ERC2: variants seen among roughly 807,000 people sequenced by gnomAD.
The protein encoded by ERC2 is ELKS/RAB6-interacting/CAST family member 2, also known as ERC protein 2.
Under a neutral mutation model 114.8 loss-of-function variants are expected in ERC2, and 42 were observed. The observed-to-expected ratio is 0.37, with a 90% CI of 0.29 to 0.47. The LOEUF is 0.47. Ranked by LOEUF, ERC2 falls within the 20% of genes least tolerant of loss-of-function variation. The pLI, the probability that ERC2 is intolerant of heterozygous loss-of-function variation, is 0.99. For missense variants in ERC2, 939 were observed against 1,150.7 expected, an observed-to-expected ratio of 0.82 and a Z score of 2.66; for synonymous variants, 454 against 425.5, an observed-to-expected ratio of 1.07 and a Z score of -0.82.
chr3:55,681,123 C>CGGTGGA (rs1461528533), intron 17 of ERC2, among the ~76,000 whole-genome samples: 1 of 152,056 alleles, frequency 6.6e-6, no homozygotes, highest in East Asian at 1.9e-4. Context: ...AAACTTTCCC[C>CGGTGGA]GGTCCACCGT....
At chr3:55,901,437 T>C (rs2064132394) in intron 13 of ERC2, among the ~76,000 whole-genome samples, 1 of 152,176 alleles carries the variant, frequency 6.6e-6, no homozygotes. Flanking sequence ...GTTGAAAGAT[T>C]ATTCAATTCC....
At chr3:55,985,700 T>G (rs2149513438) in intron 12 of ERC2, among the ~76,000 whole-genome samples, 1 of 152,334 alleles carries the variant, frequency 6.6e-6, no homozygotes, top group East Asian at 1.9e-4. Flanking sequence ...AGAAATGCAC[T>G]GGGGAGTTAT....
chr3:56,343,030 A>C (rs2058151572), intron 2 of ERC2, among the ~76,000 whole-genome samples: 1 of 152,102 alleles, frequency 6.6e-6, no homozygotes, highest in Non-Finnish European at 1.5e-5. Flanking sequence ...GATCTTCATC[A>C]CATCTAAAGA....
chr3:55,532,246 G>C (rs2053712220), intron 17 of ERC2, among the ~76,000 whole-genome samples: 1 of 152,164 alleles, frequency 6.6e-6, no homozygotes, highest in Non-Finnish European at 1.5e-5. Flanking sequence ...TGAACACAGA[G>C]GGTGACCTGG....
intron 7 of ERC2, among the ~76,000 whole-genome samples, chr3:56,044,495 T>C (rs1315687952): frequency 6.6e-6 from 1 of 152,108 alleles, no homozygotes; most frequent in Non-Finnish European, 1.5e-5. Flanking sequence ...TTCCTTTGAG[T>C]TCAAAAATGA....
At chr3:55,615,405 C>A (rs2059082378) in intron 17 of ERC2, among the ~76,000 whole-genome samples, 1 of 152,104 alleles carries the variant, frequency 6.6e-6, no homozygotes, top group Admixed American at 6.6e-5. Flanking sequence ...TAGAGAAACT[C>A]CAAGCTCTCC....
At chr3:55,918,827 A>G (rs2065252329) in intron 13 of ERC2, among the ~76,000 whole-genome samples, 1 of 150,884 alleles carries the variant, frequency 6.6e-6, no homozygotes, top group African/African-American at 2.4e-5. Context: ...CTAGATGAAG[A>G]AGACTAGCTA....
In ERC2 at chr3:55,510,924, A is replaced by C. The variant is rs995569189; in HGVS notation, c.*392T>G. The C allele has an allele frequency of 6.6e-6, 1 of 152,224 alleles. No homozygotes were observed. The highest frequency in any genetic ancestry group is 2.4e-5 in the African/African-American group (1 of 41,462). 9.4% of individuals were successfully genotyped at this position (152,224 alleles called of 1,614,324 possible). A position where few individuals can be genotyped will look rare whatever the true frequency, so the allele number is the denominator to read the frequency against. On this transcript the variant is annotated 3_prime_UTR_variant, in exon 18 of 18. Coordinates refer to ENST00000288221, the MANE Select transcript of ERC2 (RefSeq NM_015576.3). Reference sequence around the variant, plus strand: ...ACAGATAAAATCCCATGGAGTTCAAATTTATCCAATGATGTTTAAGTAACA... The same window carrying C: ...ACAGATAAAATCCCATGGAGTTCAACTTTATCCAATGATGTTTAAGTAACA...
intron 7 of ERC2, among the ~76,000 whole-genome samples, chr3:56,069,743 A>G (rs1438164925): frequency 2.6e-5 from 4 of 152,194 alleles, no homozygotes; most frequent in African/African-American, 9.6e-5. Context: ...TGTGGGTGCT[A>G]CTGCTGGTTC....
At chr3:56,149,457 A>C (rs1272191716) in intron 4 of ERC2, among the ~76,000 whole-genome samples, 1 of 152,226 alleles carries the variant, frequency 6.6e-6, no homozygotes, top group Non-Finnish European at 1.5e-5. Context: ...AACACCATTT[A>C]AGTGGACAGA....
At chr3:56,350,558 A>G (rs1040531409) in intron 2 of ERC2, among the ~76,000 whole-genome samples, 1 of 152,188 alleles carries the variant, frequency 6.6e-6, no homozygotes, top group Non-Finnish European at 1.5e-5. Flanking sequence ...AAGAGGATAT[A>G]TATATATATA....
At chr3:56,423,804 A>G (rs1025645299) in intron 2 of ERC2, among the ~76,000 whole-genome samples, 2 of 152,218 alleles carry the variant, frequency 1.3e-5, no homozygotes, top group Non-Finnish European at 2.9e-5. Flanking sequence ...AATGCTTTCC[A>G]CAGCTTTCAG....
chr3:56,321,715 G>C (rs537558001), intron 2 of ERC2, among the ~76,000 whole-genome samples: 5 of 152,194 alleles, frequency 3.3e-5, no homozygotes, highest in Non-Finnish European at 7.3e-5. Context: ...GCATTTACAA[G>C]AAATAACTCA....
intron 15 of ERC2, among the ~76,000 whole-genome samples, chr3:55,723,502 A>G (rs2148892053): frequency 6.6e-6 from 1 of 152,334 alleles, no homozygotes; most frequent in South Asian, 2.1e-4. Context: ...AAAAAACAAT[A>G]AACAAGGGAG....
chr3:56,348,631 T>C lies in ERC2; in HGVS notation c.658-52196A>G, dbSNP rs1413659540. 3.3e-5 allele frequency among the ~76,000 whole-genome samples: 5 copies of C among 151,516 alleles called. No homozygotes were observed. In the East Asian group the frequency reaches 9.6e-4, roughly 29 times the overall value. On this transcript the variant is annotated intron_variant, in intron 2 of 17. Transcript: ENST00000288221. Reference sequence around the variant, plus strand: ...GTTCTTAAACATTGGTTATATTTTATTGAACACTCTGTGCAGGTTAAATGA... The same window carrying C: ...GTTCTTAAACATTGGTTATATTTTACTGAACACTCTGTGCAGGTTAAATGA...
intron 2 of ERC2, among the ~76,000 whole-genome samples, chr3:56,329,563 G>A (rs370260464): frequency 6.6e-6 from 1 of 152,174 alleles, no homozygotes; most frequent in African/African-American, 2.4e-5. Flanking sequence ...CCTGCCTGGA[G>A]GAAGGGAAAC....
chr3:55,697,959 G>C (rs1204266221), intron 16 of ERC2, among the ~76,000 whole-genome samples: 1 of 152,062 alleles, frequency 6.6e-6, no homozygotes, highest in African/African-American at 2.4e-5. Flanking sequence ...GTCTACTGGA[G>C]CAGGCAGAGG....
intron 2 of ERC2, among the ~76,000 whole-genome samples, chr3:56,311,118 T>C (rs915494090): frequency 6.6e-6 from 1 of 151,464 alleles, no homozygotes; most frequent in African/African-American, 2.4e-5. Context: ...AACTATGTAC[T>C]ATTTTTTTTA....
At chr3:55,956,568 G>A (rs1173061671) in intron 12 of ERC2, among the ~76,000 whole-genome samples, 1 of 152,058 alleles carries the variant, frequency 6.6e-6, no homozygotes, top group Non-Finnish European at 1.5e-5. Flanking sequence ...AATGTCATGA[G>A]CATGATATCC....
Sources: allele counts gnomAD v4.1 joint callset (sites outside exome capture counted in the v4.1 genomes callset), GRCh38; gene constraint gnomAD v4.1.1; transcripts MANE v1.5; gene names NCBI Gene and HGNC (gene_info 2026-07-23, HGNC 2026-07-21).